The following TMEM65 variants were observed in gnomAD, a reference collection of about 807,000 sequenced individuals.
TMEM65 encodes transmembrane protein 65.
TMEM65 carries 22 observed loss-of-function variants against 25.4 expected under a neutral mutation model. That is an observed-to-expected ratio of 0.86 (90% CI 0.62 to 1.23). TMEM65 has a LOEUF of 1.23. Among genes scored for constraint, TMEM65 ranks in the 50% most tolerant of loss-of-function variants. TMEM65 has a pLI of 0.00. For missense variants in TMEM65, 262 were observed against 308.2 expected (o/e 0.85, Z 1.12); for synonymous variants, 132 against 126.2 (o/e 1.05, Z -0.31).
chr8:124,314,207 C>A, intron 6 of TMEM65, 146 bp from the exon 7 acceptor site: 3 of 662,232 alleles, frequency 4.5e-6, no homozygotes, highest in South Asian at 3.6e-5. Context: ...CCTGTGTATA[C>A]CTAATTATAT....
intron 1 of TMEM65, among the ~76,000 whole-genome samples, chr8:124,333,406 C>T (rs1337769690): frequency 2.0e-5 from 3 of 151,734 alleles, no homozygotes; most frequent in Non-Finnish European, 2.9e-5. Context: ...ATGTGTTCTG[C>T]TCCAATGTTT....
intron 1 of TMEM65, among the ~76,000 whole-genome samples, chr8:124,345,980 C>T (rs1814636009): frequency 6.6e-6 from 1 of 152,078 alleles, no homozygotes; most frequent in East Asian, 1.9e-4. Flanking sequence ...CTCCTGACCT[C>T]GTGATCCGTC....
At chr8:124,326,984 G>C (rs1180668494) in intron 3 of TMEM65, among the ~76,000 whole-genome samples, 1 of 151,830 alleles carries the variant, frequency 6.6e-6, no homozygotes, top group Non-Finnish European at 1.5e-5. Context: ...ATTGAACAAG[G>C]AACTAAATCA....
chr8:124,358,386 T>C (rs1814812454), intron 1 of TMEM65, among the ~76,000 whole-genome samples: 2 of 152,182 alleles, frequency 1.3e-5, no homozygotes, highest in Admixed American at 1.3e-4. Flanking sequence ...ATTTTAAGCC[T>C]GAAGGTTTCT....
At chr8:124,334,417 G>A (rs918502024) in intron 1 of TMEM65, among the ~76,000 whole-genome samples, 1 of 151,778 alleles carries the variant, frequency 6.6e-6, no homozygotes, top group Non-Finnish European at 1.5e-5. Context: ...AGAAAATATC[G>A]AAAAAAGAAC....
chr8:124,330,752 T>G lies in TMEM65; in HGVS notation c.345A>C (p.Arg115Ser). 1.3e-6 allele frequency: 2 copies of G among 1,590,698 alleles called. No individual in the cohort carries two copies. The highest frequency in any genetic ancestry group is 1.7e-6 in the Non-Finnish European group (2 of 1,171,486). The change falls in exon 2 of 7, where the codon AGA becomes AGC. Residue 115 changes from arginine to serine, a missense_variant. Physicochemically the swap from Arg to Ser is moderately radical, Grantham distance 110. Coordinates refer to ENST00000297632, the MANE Select transcript of TMEM65 (RefSeq NM_194291.3). ...TAACAATTATAGAACCATTACCATA[T>G]CTCAGCTGTCCTGGGGTGGGTGGTG... is the stretch of plus-strand genomic sequence containing the variant. ...EAPPPTPGQLRYVFIHNAIPF... is the reference protein window; with the variant it reads ...EAPPPTPGQLSYVFIHNAIPF...
intron 1 of TMEM65, among the ~76,000 whole-genome samples, chr8:124,342,495 G>A (rs529326445): frequency 5.9e-5 from 9 of 152,218 alleles, no homozygotes; most frequent in African/African-American, 1.4e-4. Context: ...CAATTTGAAC[G>A]AACTCTATGA....
chr8:124,354,176 A>G (rs1329679525), intron 1 of TMEM65, among the ~76,000 whole-genome samples: 1 of 152,202 alleles, frequency 6.6e-6, no homozygotes, highest in African/African-American at 2.4e-5. Flanking sequence ...GTAATCCCCA[A>G]AAGTGTCAAG....
rs1814153960 is a variant in TMEM65 at position 124,311,155 on chromosome 8, G to A, written c.*2805C>T. The A allele has an allele frequency of 6.6e-6, 1 of 152,156 alleles. No individual in the cohort carries two copies. Among genetic ancestry groups the A allele is most frequent in the South Asian group, 2.1e-4 (1 of 4,830 alleles). The allele number at this position is 152,156 out of a possible 1,614,324, so 9.4% of individuals were successfully genotyped here. On this transcript the variant is annotated 3_prime_UTR_variant, in exon 7 of 7. Transcript: ENST00000297632. ...GTAAATACCCATCAGTGTGACTTAT[G>A]TGAGTCTATCTAAAGCTTTTCTATG...
chr8:124,340,000 G>A (rs1157197528), intron 1 of TMEM65, among the ~76,000 whole-genome samples: 1 of 152,080 alleles, frequency 6.6e-6, no homozygotes. Context: ...AAAGCAATGG[G>A]ATGCATTCTT....
At chr8:124,363,836 C>CAAAAAAAAAAAAAAAAAAAAA in intron 1 of TMEM65, among the ~76,000 whole-genome samples, 1 of 55,714 alleles carries the variant, frequency 1.8e-5, no homozygotes, top group Non-Finnish European at 3.0e-5. Context: ...GACTCCGTCT[C>CAAAAAAAAAAAAAAAAAAAAA]AAAAAAAAAA....
At chr8:124,356,345 C>T (rs922080161) in intron 1 of TMEM65, among the ~76,000 whole-genome samples, 1 of 152,120 alleles carries the variant, frequency 6.6e-6, no homozygotes, top group Middle Eastern at 3.2e-3. Flanking sequence ...TATTAATCTG[C>T]CTTCTGTCAG....
intron 1 of TMEM65, among the ~76,000 whole-genome samples, chr8:124,353,825 A>C (rs558698718): frequency 3.3e-5 from 5 of 152,234 alleles, no homozygotes; most frequent in Non-Finnish European, 4.4e-5. Context: ...ACTGAATAGA[A>C]TATATTGATA....
At chr8:124,330,681 G>T in intron 2 of TMEM65, 67 bp downstream of exon 2, 1 of 1,436,238 alleles carries the variant, frequency 7.0e-7, no homozygotes, top group South Asian at 1.2e-5. Flanking sequence ...TGCTATCAAT[G>T]AATGATACAG....
chr8:124,344,800 G>A (rs10096657), intron 1 of TMEM65, among the ~76,000 whole-genome samples: 12,214 of 152,164 alleles, frequency 0.08, 538 homozygotes, highest in African/African-American at 0.13. Flanking sequence ...CCTCTCTAGA[G>A]TATTAAGTGC....
At chr8:124,360,169 G>C (rs778850585) in intron 1 of TMEM65, among the ~76,000 whole-genome samples, 111 of 152,148 alleles carry the variant, frequency 7.3e-4, no homozygotes, top group African/African-American at 2.6e-3. Flanking sequence ...AGTGGCACAC[G>C]CCTGTAATCC....
intron 5 of TMEM65, among the ~76,000 whole-genome samples, chr8:124,320,528 C>T (rs892561809): frequency 2.0e-5 from 3 of 152,094 alleles, no homozygotes; most frequent in African/African-American, 7.2e-5. Flanking sequence ...AGGTATGTAA[C>T]AATTTGTACA....
chr8:124,338,237 T>C (rs983417435), intron 1 of TMEM65, among the ~76,000 whole-genome samples: 9 of 152,104 alleles, frequency 5.9e-5, no homozygotes, highest in African/African-American at 2.2e-4. Flanking sequence ...TTTAATGATA[T>C]AGTCATTTCA....
intron 1 of TMEM65, among the ~76,000 whole-genome samples, chr8:124,340,649 C>T (rs1264150324): frequency 6.6e-6 from 1 of 151,730 alleles, no homozygotes; most frequent in Non-Finnish European, 1.5e-5. Context: ...TGATGACTAG[C>T]TGTTTGATGT....
Sources: allele counts gnomAD v4.1 joint callset (sites outside exome capture counted in the v4.1 genomes callset), GRCh38; gene constraint gnomAD v4.1.1; transcripts MANE v1.5; gene names NCBI Gene and HGNC (gene_info 2026-07-23, HGNC 2026-07-21).